Variants in CAPN8 observed in about 807,000 individuals in gnomAD.
CAPN8 encodes the protein calpain-8.
A neutral mutation model predicts 80.9 loss-of-function variants in CAPN8; 87 were observed. The ratio of observed to expected loss-of-function variants is 1.07; its 90% CI spans 0.90 to 1.28. CAPN8 has a LOEUF of 1.28. CAPN8 is among the 50% of genes most tolerant of loss of function. CAPN8 has a pLI of 0.00. For missense variants in CAPN8, 757 were observed against 702.0 expected (o/e 1.08, Z -0.89); for synonymous variants, 299 against 273.8 (o/e 1.09, Z -0.91).
intron 2 of CAPN8, among the ~76,000 whole-genome samples, chr1:223,645,579 T>C (rs2102728953): frequency 6.6e-6 from 1 of 152,164 alleles, no homozygotes; most frequent in East Asian, 1.9e-4. Flanking sequence ...ACTCCAGGCA[T>C]TGCCCTGTTA....
intron 2 of CAPN8, among the ~76,000 whole-genome samples, chr1:223,632,830 G>A (rs935569337): frequency 4.6e-5 from 7 of 152,188 alleles, no homozygotes; most frequent in Admixed American, 1.3e-4. Flanking sequence ...TCACTCATGC[G>A]CTTTAAGCAG....
At chr1:223,627,582 C>A (rs186697856) in intron 4 of CAPN8, among the ~76,000 whole-genome samples, 80 of 152,294 alleles carry the variant, frequency 5.3e-4, no homozygotes, top group African/African-American at 1.8e-3. Context: ...TAAAAGAACC[C>A]CAAAGAAGGT....
intron 10 of CAPN8, 73 bp from the exon 11 acceptor site, chr1:223,612,330 C>G: frequency 8.2e-7 from 1 of 1,216,390 alleles, no homozygotes; most frequent in Non-Finnish European, 1.0e-6. Context: ...TCCTCTCTCC[C>G]TATGTCTTGC....
intron 16 of CAPN8, among the ~76,000 whole-genome samples, chr1:223,546,885 G>GGTGGTTGTTGTT (rs973883560): frequency 0.011 from 1,677 of 149,986 alleles, 14 homozygotes; most frequent in Middle Eastern, 0.021. Flanking sequence ...TTTGTTTTGT[G>GGTGGTTGTTGTT]GTTGTTGTTG....
chr1:223,553,875 T>C lies in CAPN8; in HGVS notation c.1598A>G (p.Glu533Gly), dbSNP rs1393493671. Reference protein sequence around the residue: ...YEPHPSEVDQEDDQFRRLFEK... With the variant: ...YEPHPSEVDQGDDQFRRLFEK... Reference sequence around the variant, plus strand: ...AAACAGCCTCCTGAACTGGTCATCTTCCTGATCCACCTCACTGGGATGTGG... The same window carrying C: ...AAACAGCCTCCTGAACTGGTCATCTCCCTGATCCACCTCACTGGGATGTGG... Residue 533 changes from glutamate to glycine, a missense_variant, in exon 14 of 21, where the codon GAA becomes GGA. Coordinates refer to ENST00000366872, the MANE Select transcript of CAPN8 (RefSeq NM_001143962.2). The C allele has an allele frequency of 2.5e-6, 1 of 398,574 alleles. No individual in the cohort carries two copies. The highest frequency in any genetic ancestry group is 2.1e-5 in the African/African-American group (1 of 48,646). 24.7% of individuals were successfully genotyped at this position (398,574 alleles called of 1,614,324 possible). A position where few individuals can be genotyped will look rare whatever the true frequency, so the allele number is the denominator to read the frequency against.
intron 9 of CAPN8, chr1:223,617,445 C>T (rs1056725497): frequency 6.6e-6 from 1 of 152,110 alleles, no homozygotes; most frequent in Non-Finnish European, 1.5e-5. Flanking sequence ...CCATCACTAC[C>T]AAAGGGCAGG....
At chr1:223,615,861 C>T (rs1233510749) in intron 10 of CAPN8, 109 bp downstream of exon 10, 16 of 1,373,274 alleles carry the variant, frequency 1.2e-5, no homozygotes, top group South Asian at 8.8e-5. Context: ...GGACGCTTCT[C>T]GATTAGGAAT....
chr1:223,613,704 G>A (rs1005161449), intron 10 of CAPN8, among the ~76,000 whole-genome samples: 1 of 152,204 alleles, frequency 6.6e-6, no homozygotes, highest in African/African-American at 2.4e-5. Context: ...AGACAAGGAG[G>A]GCTCTTTAGT....
intron 2 of CAPN8, among the ~76,000 whole-genome samples, chr1:223,651,525 A>G (rs908979961): frequency 6.6e-6 from 1 of 152,250 alleles, no homozygotes; most frequent in African/African-American, 2.4e-5. Context: ...ATTTAGGATG[A>G]AAATCTGGCT....
intron 2 of CAPN8, 42 bp from the exon 3 acceptor site, chr1:223,628,822 C>T: frequency 6.8e-7 from 1 of 1,476,052 alleles, no homozygotes; most frequent in Non-Finnish European, 9.3e-7. Context: ...CAGGCCCAGC[C>T]TGCAGGGGCC....
At chr1:223,557,955 C>T (rs1219960164) in intron 13 of CAPN8, among the ~76,000 whole-genome samples, 176 bp downstream of exon 13, 1 of 152,196 alleles carries the variant, frequency 6.6e-6, no homozygotes, top group Non-Finnish European at 1.5e-5. Context: ...GCCTGGGTTC[C>T]AGGGCTACTT....
chr1:223,661,250 T>C (rs1161388470), intron 1 of CAPN8, among the ~76,000 whole-genome samples: 1 of 151,706 alleles, frequency 6.6e-6, no homozygotes, highest in Non-Finnish European at 1.5e-5. Context: ...CATGAAAAGA[T>C]GCTCACCATC....
At chr1:223,654,889 A>T (rs572943197) in intron 1 of CAPN8, among the ~76,000 whole-genome samples, 1 of 126,708 alleles carries the variant, frequency 7.9e-6, no homozygotes, top group South Asian at 2.4e-4. Context: ...ATGGGGTTTC[A>T]CCATGTTGGC....
chr1:223,543,219 G>A, intron 19 of CAPN8, 53 bp from the exon 20 acceptor site: 1 of 1,543,816 alleles, frequency 6.5e-7, no homozygotes. Flanking sequence ...CTGGACTTTG[G>A]AACAATCAGA....
chr1:223,612,257 C>T lies in CAPN8; in HGVS notation c.1312G>A (p.Val438Ile). Residue 438 changes from valine to isoleucine, a missense_variant and splice_region_variant, in exon 11 of 21, where the codon GTT becomes ATT. Physicochemically the swap from Val to Ile is conservative, Grantham distance 29. Coordinates refer to ENST00000366872, the MANE Select transcript of CAPN8 (RefSeq NM_001143962.2). The part of the protein sequence containing the change: ...MLSIGYAVYQ[V>I]PKELESHTDA... ...CAGCACTCACATACCTCCTTGGGAA[C>T]CTGTGGGGCAGAAGAAAAGAGCAGG... 8.1e-7 allele frequency: 1 copy of T among 1,234,264 alleles called. No homozygotes were observed. Among genetic ancestry groups the T allele is most frequent in the Non-Finnish European group, 1.0e-6 (1 of 988,114 alleles). The allele number at this position is 1,234,264 out of a possible 1,614,324, so 76.5% of individuals were successfully genotyped here.
intron 2 of CAPN8, 111 bp downstream of exon 2, chr1:223,654,216 ACAT>A: frequency 1.2e-6 from 1 of 860,934 alleles, no homozygotes; most frequent in Non-Finnish European, 1.8e-6. Context: ...CCAGACGGAC[ACAT>A]CAGGTACCTA....
intron 2 of CAPN8, chr1:223,644,047 A>G (rs1003971610): frequency 5.3e-6 from 1 of 188,684 alleles, no homozygotes; most frequent in Non-Finnish European, 1.1e-5. Flanking sequence ...TTCGTATTGG[A>G]CAAAGGACAC....
chr1:223,629,810 G>A (rs891972038), intron 2 of CAPN8, among the ~76,000 whole-genome samples: 2 of 151,916 alleles, frequency 1.3e-5, no homozygotes, highest in African/African-American at 4.8e-5. Context: ...CTAGCTCTAG[G>A]AGTCTAAGAT....
At chr1:223,620,648 C>T (rs957233123) in intron 7 of CAPN8, among the ~76,000 whole-genome samples, 6 of 152,178 alleles carry the variant, frequency 3.9e-5, no homozygotes, top group Admixed American at 3.3e-4. Flanking sequence ...AAGGCAGGCA[C>T]TCCAGTACCC....
Sources: gnomAD v4.1 joint callset for allele counts (sites outside exome capture counted in the v4.1 genomes callset) on GRCh38, gnomAD v4.1.1 for gene constraint, MANE v1.5 for transcripts, NCBI Gene and HGNC (gene_info 2026-07-23, HGNC 2026-07-21) for gene names.